Variants in TENM4 observed in about 807,000 individuals in gnomAD.
The protein encoded by TENM4 is teneurin-4.
Under a neutral mutation model 243.3 loss-of-function variants are expected in TENM4, and 82 were observed. The observed-to-expected ratio is 0.34, with a 90% CI of 0.28 to 0.40. TENM4 has a LOEUF of 0.40. Ranked by LOEUF, TENM4 falls within the 10% of genes least tolerant of loss-of-function variation. The pLI, the probability that TENM4 is intolerant of heterozygous loss-of-function variation, is 1.00. For synonymous variants in TENM4, 1,412 were observed against 1,456.3 expected (o/e 0.97, Z 0.69); for missense variants, 3,138 against 3,673.3 (o/e 0.85, Z 3.77).
At chr11:79,340,084 TAA>T (rs1857217323) in intron 1 of TENM4, among the ~76,000 whole-genome samples, 1 of 152,220 alleles carries the variant, frequency 6.6e-6, no homozygotes, top group Non-Finnish European at 1.5e-5. Flanking sequence ...CAATGGAAGA[TAA>T]AGTGTCCTAC....
chr11:78,758,879 T>TA (rs1001659250), intron 18 of TENM4, among the ~76,000 whole-genome samples: 14 of 152,152 alleles, frequency 9.2e-5, no homozygotes, highest in African/African-American at 3.4e-4. Flanking sequence ...GCAAGTTACT[T>TA]AAACTCTCTG....
chr11:78,807,294 T>C (rs1211383454), intron 14 of TENM4, among the ~76,000 whole-genome samples: 2 of 152,234 alleles, frequency 1.3e-5, no homozygotes, highest in African/African-American at 2.4e-5. Context: ...ATAGTAGTTC[T>C]ACCATTTTAC....
chr11:79,111,275 G>A (rs1283562737), intron 4 of TENM4, among the ~76,000 whole-genome samples: 2 of 152,172 alleles, frequency 1.3e-5, no homozygotes, highest in African/African-American at 4.8e-5. Context: ...GCCAGGCGCC[G>A]TGGCTCACAC....
intron 4 of TENM4, among the ~76,000 whole-genome samples, chr11:79,077,707 T>G (rs111268312): frequency 1.3e-5 from 2 of 152,122 alleles, no homozygotes; most frequent in African/African-American, 4.8e-5. Flanking sequence ...GTTCAGACTC[T>G]GGGGAGGGAA....
intron 6 of TENM4, among the ~76,000 whole-genome samples, chr11:79,059,709 C>T (rs576777343): frequency 6.6e-6 from 1 of 152,194 alleles, no homozygotes; most frequent in East Asian, 1.9e-4. Flanking sequence ...TTTCATTATC[C>T]CAAACTGAAA....
rs1389402885 is a variant in TENM4 at position 78,670,094 on chromosome 11, T to C, written c.6251A>G (p.Asn2084Ser). 1.2e-6 allele frequency: 2 copies of C among 1,613,854 alleles called. No individual in the cohort carries two copies. Among genetic ancestry groups the C allele is most frequent in the Non-Finnish European group, 8.5e-7 (1 of 1,179,900 alleles). Reference protein sequence around the residue: ...EGMVNARFDYNYDNSFRVTSM... With the variant: ...EGMVNARFDYSYDNSFRVTSM... ...GGTCACCCGGAAGCTGTTGTCATAG[T>C]TGTAGTCAAAACGGGCGTTGACCAT... The change falls in exon 32 of 34, where the codon AAC becomes AGC. Residue 2084 changes from asparagine to serine, a missense_variant. This residue lies in a region of TENM4 where 2,467 missense variants were observed against 3,059.1 expected (regional missense o/e 0.81). Coordinates refer to ENST00000278550, the MANE Select transcript of TENM4 (RefSeq NM_001098816.3).
At chr11:79,032,920 A>T (rs1859283640) in intron 6 of TENM4, among the ~76,000 whole-genome samples, 1 of 152,156 alleles carries the variant, frequency 6.6e-6, no homozygotes, top group Non-Finnish European at 1.5e-5. Flanking sequence ...TCCAGGGAGA[A>T]CATGCTGGTG....
rs575721237 is a variant in TENM4 at position 79,410,043 on chromosome 11, AG to A, written c.-321+30465del. 7.6e-4 allele frequency among the ~76,000 whole-genome samples: 116 copies of A among 152,264 alleles called. 3 individuals are homozygous for A. In the South Asian group the frequency reaches 0.024, roughly 31 times the overall value. On this transcript the variant is annotated intron_variant, in intron 1 of 33. Coordinates refer to ENST00000278550, the MANE Select transcript of TENM4 (RefSeq NM_001098816.3). ...ACACTAAAATGATAGCTGATGATCT[AG>A]AAAAAAAATAGCAAAAAAACCCATA...
At chr11:78,958,429 GT>G (rs1399437764) in intron 6 of TENM4, among the ~76,000 whole-genome samples, 1 of 152,214 alleles carries the variant, frequency 6.6e-6, no homozygotes, top group Non-Finnish European at 1.5e-5. Flanking sequence ...ACTGTGACTA[GT>G]TGATATTTTA....
intron 12 of TENM4, among the ~76,000 whole-genome samples, chr11:78,839,216 A>C (rs1858194051): frequency 6.6e-6 from 1 of 152,142 alleles, no homozygotes; most frequent in Non-Finnish European, 1.5e-5. Flanking sequence ...TCCCTTTAGG[A>C]TTCTGTTTGA....
chr11:79,164,305 G>C (rs1183742863), intron 3 of TENM4, among the ~76,000 whole-genome samples: 4 of 124,106 alleles, frequency 3.2e-5, no homozygotes, highest in African/African-American at 1.0e-4. Flanking sequence ...AGTATATATA[G>C]TATATAGATA....
At position 78,903,340 on chromosome 11, in the gene TENM4, G is replaced by C. The variant is rs780924725; in HGVS notation, c.677C>G (p.Ala226Gly). ...TDHSLSGEPP[A>G]GGAQEPAHAQ... ...GTGGGCAGGCTCCTGGGCGCCGCCG[G>C]CAGGGGGCTCTCCGGAGAGCGAGTG... Residue 226 changes from alanine (A) to glycine (G), a missense_variant, in exon 7 of 34, where the codon GCC (alanine) becomes GGC (glycine). Physicochemically the swap from Ala to Gly is moderately conservative, Grantham distance 60. Transcript: ENST00000278550. 1 of 1,479,696 alleles carries C rather than the reference G, an allele frequency of 6.8e-7. No homozygotes were observed. Among genetic ancestry groups the C allele is most frequent in the South Asian group, 1.3e-5 (1 of 74,304 alleles). The allele number at this position is 1,479,696 out of a possible 1,614,324, so 91.7% of individuals were successfully genotyped here.
intron 6 of TENM4, among the ~76,000 whole-genome samples, chr11:78,983,017 C>T (rs1352259270): frequency 6.6e-6 from 1 of 152,232 alleles, no homozygotes; most frequent in Non-Finnish European, 1.5e-5. Context: ...TGGCACTTTC[C>T]TGGCCTCTGG....
chr11:78,822,889 A>C (rs1857763980), intron 12 of TENM4, among the ~76,000 whole-genome samples: 1 of 152,198 alleles, frequency 6.6e-6, no homozygotes, highest in African/African-American at 2.4e-5. Context: ...ACGTTTGCTC[A>C]TTTCAGGAGC....
intron 1 of TENM4, among the ~76,000 whole-genome samples, chr11:79,320,382 G>A (rs950158013): frequency 6.6e-6 from 1 of 152,210 alleles, no homozygotes; most frequent in African/African-American, 2.4e-5. Flanking sequence ...CCCGGCTTTG[G>A]TTGGAGGAAT....
intron 16 of TENM4, among the ~76,000 whole-genome samples, chr11:78,779,573 G>A (rs955453030): frequency 2.2e-4 from 33 of 152,196 alleles, no homozygotes; most frequent in Admixed American, 1.3e-4. Context: ...TTCCCAGCAT[G>A]AATCACTAAT....
chr11:78,917,917 GGTT>G (rs1856354754), intron 6 of TENM4, among the ~76,000 whole-genome samples: 1 of 152,112 alleles, frequency 6.6e-6, no homozygotes, highest in Non-Finnish European at 1.5e-5. Context: ...TTAGTCATAG[GGTT>G]GCCATGAGGA....
At chr11:79,074,970 G>A (rs1433891581) in intron 4 of TENM4, among the ~76,000 whole-genome samples, 3 of 152,156 alleles carry the variant, frequency 2.0e-5, no homozygotes, top group Non-Finnish European at 4.4e-5. Flanking sequence ...CTGCACCTCC[G>A]TCTCTTCATT....
At chr11:79,147,064 G>A (rs112510370) in intron 4 of TENM4, among the ~76,000 whole-genome samples, 7,639 of 152,176 alleles carry the variant, frequency 0.05, 645 homozygotes, top group African/African-American at 0.18. Flanking sequence ...ATTTCACTCA[G>A]AAATCAGTGG....
Sources: allele counts gnomAD v4.1 joint callset (sites outside exome capture counted in the v4.1 genomes callset), GRCh38; gene constraint gnomAD v4.1.1; regional missense constraint gnomAD v4.1.1; transcripts MANE v1.5; gene names NCBI Gene and HGNC (gene_info 2026-07-23, HGNC 2026-07-21).